The following IMMP2L variants were observed in gnomAD, a reference collection of about 807,000 sequenced individuals.
IMMP2L encodes the protein mitochondrial inner membrane protease subunit 2.
A neutral mutation model predicts 19.3 loss-of-function variants in IMMP2L; 18 were observed. The ratio of observed to expected loss-of-function variants is 0.93; its 90% CI spans 0.64 to 1.38. The LOEUF (loss-of-function observed/expected upper bound fraction) is 1.38, where lower values mean the gene tolerates loss of function less well. Ranked by LOEUF, IMMP2L falls within the 40% of genes most tolerant of loss-of-function variation. IMMP2L has a pLI of 0.00. For missense variants in IMMP2L, 233 were observed against 218.2 expected, an observed-to-expected ratio of 1.07 and a Z score of -0.43; for synonymous variants, 76 against 73.0, an observed-to-expected ratio of 1.04 and a Z score of -0.21.
intron 3 of IMMP2L, among the ~76,000 whole-genome samples, chr7:111,387,582 A>C (rs1343911459): frequency 6.6e-6 from 1 of 152,172 alleles, no homozygotes; most frequent in East Asian, 1.9e-4. Flanking sequence ...AACATCAAAA[A>C]TGGCTAGCAT....
chr7:111,493,462 G>C (rs561343893), intron 2 of IMMP2L, among the ~76,000 whole-genome samples: 3 of 152,176 alleles, frequency 2.0e-5, no homozygotes, highest in East Asian at 3.9e-4. Context: ...CAGCACTTTG[G>C]GAGGCCAAGG....
chr7:110,694,395 A>G (rs1032100726), intron 5 of IMMP2L, among the ~76,000 whole-genome samples: 1 of 151,708 alleles, frequency 6.6e-6, no homozygotes, highest in Non-Finnish European at 1.5e-5. Flanking sequence ...ATCAGATACA[A>G]AAAAAGAACA....
intron 3 of IMMP2L, among the ~76,000 whole-genome samples, chr7:110,984,299 A>G (rs968381473): frequency 1.3e-5 from 2 of 152,130 alleles, no homozygotes; most frequent in African/African-American, 4.8e-5. Flanking sequence ...ACCAAAAAAA[A>G]AAAACCACCT....
intron 3 of IMMP2L, among the ~76,000 whole-genome samples, chr7:111,441,720 T>TTA (rs1837740138): frequency 7.2e-6 from 1 of 138,246 alleles, no homozygotes; most frequent in Non-Finnish European, 1.6e-5. Context: ...TTCAACTTGT[T>TTA]AAAAAAAAAA....
chr7:111,062,023 G>A (rs1794061273), intron 3 of IMMP2L, among the ~76,000 whole-genome samples: 1 of 152,132 alleles, frequency 6.6e-6, no homozygotes, highest in Non-Finnish European at 1.5e-5. Flanking sequence ...GATTTAAGGT[G>A]ATCTCCTTCC....
chr7:111,186,481 C>T (rs1293061488), intron 3 of IMMP2L, among the ~76,000 whole-genome samples: 1 of 152,002 alleles, frequency 6.6e-6, no homozygotes, highest in Non-Finnish European at 1.5e-5. Context: ...AGTGCAATGG[C>T]ACGATCTCAG....
intron 5 of IMMP2L, among the ~76,000 whole-genome samples, chr7:110,792,805 G>A (rs1454802259): frequency 1.3e-5 from 2 of 152,016 alleles, no homozygotes; most frequent in African/African-American, 4.8e-5. Flanking sequence ...ATCATACAGA[G>A]GAGTTTTGGT....
intron 3 of IMMP2L, among the ~76,000 whole-genome samples, chr7:111,317,862 G>A (rs1824273988): frequency 6.6e-6 from 1 of 152,058 alleles, no homozygotes; most frequent in Admixed American, 6.6e-5. Flanking sequence ...AGAGTTAAGT[G>A]AAACTTTGAA....
intron 3 of IMMP2L, among the ~76,000 whole-genome samples, chr7:111,201,253 C>T (rs1248555579): frequency 6.6e-6 from 1 of 151,152 alleles, no homozygotes; most frequent in Admixed American, 6.6e-5. Flanking sequence ...TGTGTTATCA[C>T]CAACCAACAT....
intron 3 of IMMP2L, among the ~76,000 whole-genome samples, chr7:111,366,724 G>C (rs7807381): frequency 6.6e-6 from 1 of 151,626 alleles, no homozygotes; most frequent in Non-Finnish European, 1.5e-5. Flanking sequence ...TGAAACTTTC[G>C]GAAGATTCTA....
chr7:111,414,790 T>C (rs1003201101), intron 3 of IMMP2L, among the ~76,000 whole-genome samples: 1 of 151,768 alleles, frequency 6.6e-6, no homozygotes, highest in African/African-American at 2.4e-5. Context: ...TCTACAAAAA[T>C]ATAAAACTGC....
intron 5 of IMMP2L, among the ~76,000 whole-genome samples, chr7:110,744,988 G>C (rs1238837681): frequency 6.6e-6 from 1 of 152,110 alleles, no homozygotes; most frequent in Non-Finnish European, 1.5e-5. Flanking sequence ...CCAATGTAAG[G>C]AAGTTAAAAA....
chr7:110,685,702 G>A (rs946582436), intron 5 of IMMP2L, among the ~76,000 whole-genome samples: 1 of 152,016 alleles, frequency 6.6e-6, no homozygotes, highest in Non-Finnish European at 1.5e-5. Flanking sequence ...AAATGTGGTT[G>A]CTGTTATGTT....
At chr7:110,738,271 C>T (rs1796768242) in intron 5 of IMMP2L, among the ~76,000 whole-genome samples, 1 of 152,068 alleles carries the variant, frequency 6.6e-6, no homozygotes, top group Non-Finnish European at 1.5e-5. Context: ...CAAGGAGGCA[C>T]CAGAGAAAGT....
At chr7:110,797,170 T>C (rs1408365015) in intron 5 of IMMP2L, among the ~76,000 whole-genome samples, 1 of 152,004 alleles carries the variant, frequency 6.6e-6, no homozygotes, top group East Asian at 1.9e-4. Flanking sequence ...GCAACAGTTC[T>C]GTCTTTGCTT....
intron 3 of IMMP2L, among the ~76,000 whole-genome samples, chr7:111,007,248 A>T (rs1317294304): frequency 1.3e-5 from 2 of 152,142 alleles, no homozygotes; most frequent in Non-Finnish European, 2.9e-5. Context: ...TCATGAGAAC[A>T]GCATGGGGGA....
chr7:111,143,180 AAAAC>A (rs1803120410), intron 3 of IMMP2L, among the ~76,000 whole-genome samples: 1 of 152,222 alleles, frequency 6.6e-6, no homozygotes, highest in South Asian at 2.1e-4. Flanking sequence ...CAATGAGAAG[AAAAC>A]AAAAGCATGG....
At chr7:111,044,141 T>C (rs190400439) in intron 3 of IMMP2L, among the ~76,000 whole-genome samples, 1 of 152,348 alleles carries the variant, frequency 6.6e-6, no homozygotes, top group Admixed American at 6.5e-5. Context: ...AGATGTTTCT[T>C]CACCAGCATC....
At chr7:110,811,949 A>T (rs1802069069) in intron 5 of IMMP2L, among the ~76,000 whole-genome samples, 1 of 152,042 alleles carries the variant, frequency 6.6e-6, no homozygotes, top group East Asian at 1.9e-4. Flanking sequence ...ATTCAATAAG[A>T]TTCAAGTTAG....
Sources: allele counts gnomAD v4.1 joint callset (sites outside exome capture counted in the v4.1 genomes callset), GRCh38; gene constraint gnomAD v4.1.1; transcripts MANE v1.5; gene names NCBI Gene and HGNC (gene_info 2026-07-23, HGNC 2026-07-21).